Variants in RAMP1 observed in about 807,000 individuals in gnomAD.
The protein encoded by RAMP1 is receptor activity modifying protein 1.
In RAMP1, 7 loss-of-function variants were observed where a neutral mutation model predicts 8.2. The observed-to-expected ratio is 0.85, with a 90% CI of 0.49 to 1.60. RAMP1 has a LOEUF of 1.60. Ranked by LOEUF, RAMP1 falls within the 40% of genes most tolerant of loss-of-function variation. The pLI, the probability that RAMP1 is intolerant of heterozygous loss-of-function variation, is 0.00. For synonymous variants in RAMP1, 92 were observed against 84.7 expected (o/e 1.09, Z -0.47); for missense variants, 192 against 202.4 (o/e 0.95, Z 0.31).
intron 2 of RAMP1, among the ~76,000 whole-genome samples, chr2:237,903,439 A>T (rs1266923444): frequency 6.6e-6 from 1 of 152,198 alleles, no homozygotes; most frequent in African/African-American, 2.4e-5. Flanking sequence ...TGTGTTTCAG[A>T]AAAATTGTAC....
At chr2:237,891,768 T>C (rs1290637262) in intron 2 of RAMP1, among the ~76,000 whole-genome samples, 1 of 152,222 alleles carries the variant, frequency 6.6e-6, no homozygotes, top group Non-Finnish European at 1.5e-5. Flanking sequence ...TCAGCTCCTT[T>C]ATGTGTTGCT....
intron 2 of RAMP1, among the ~76,000 whole-genome samples, chr2:237,908,283 A>G (rs367946134): frequency 2.0e-4 from 31 of 152,310 alleles, no homozygotes; most frequent in African/African-American, 7.0e-4. Context: ...GTACTGGTCC[A>G]GCCTCAGTTT....
At chr2:237,875,479 A>AG in intron 1 of RAMP1, among the ~76,000 whole-genome samples, 1 of 151,980 alleles carries the variant, frequency 6.6e-6, no homozygotes, top group East Asian at 1.9e-4. Flanking sequence ...CACTCATGCC[A>AG]GGGGTCGAGG....
chr2:237,866,901 G>A (rs1439313979), intron 1 of RAMP1, among the ~76,000 whole-genome samples: 1 of 151,888 alleles, frequency 6.6e-6, no homozygotes, highest in African/African-American at 2.4e-5. Context: ...GCAAATTTTT[G>A]TATTTTTGGT....
At chr2:237,871,083 T>G (rs1466311816) in intron 1 of RAMP1, among the ~76,000 whole-genome samples, 1 of 152,200 alleles carries the variant, frequency 6.6e-6, no homozygotes. Flanking sequence ...AACCCGGCCC[T>G]GGCCCACGGC....
intron 2 of RAMP1, among the ~76,000 whole-genome samples, chr2:237,903,177 GT>G (rs1278348750): frequency 6.6e-6 from 1 of 152,098 alleles, no homozygotes; most frequent in Non-Finnish European, 1.5e-5. Context: ...GAACATAAAT[GT>G]TTTTCCACAT....
intron 2 of RAMP1, among the ~76,000 whole-genome samples, chr2:237,879,568 C>T (rs1253660010): frequency 7.5e-6 from 1 of 134,064 alleles, no homozygotes; most frequent in Non-Finnish European, 1.6e-5. Context: ...TATACATGTG[C>T]CATATTGGTG....
At chr2:237,903,289 A>G (rs1036119360) in intron 2 of RAMP1, among the ~76,000 whole-genome samples, 5 of 152,216 alleles carry the variant, frequency 3.3e-5, no homozygotes, top group African/African-American at 9.6e-5. Flanking sequence ...GTTTTTCATA[A>G]TTATAAATCT....
At chr2:237,874,437 CTGGGGACTTGGGAGCCA>C (rs2062279413) in intron 1 of RAMP1, among the ~76,000 whole-genome samples, 1 of 152,240 alleles carries the variant, frequency 6.6e-6, no homozygotes, top group African/African-American at 2.4e-5. Flanking sequence ...CCAGACCCTC[CTGGGGACTTGGGAGCCA>C]CCAGGGTCCC....
chr2:237,878,709 G>A lies in RAMP1; in HGVS notation c.191+1347G>A, dbSNP rs937284289. ...GGGAACTCCCTCAGGCCCAGAGTCCGTGCTCAGTGCACTGTTGTTGAGGCG... is the reference window on the plus strand; with the variant it reads ...GGGAACTCCCTCAGGCCCAGAGTCCATGCTCAGTGCACTGTTGTTGAGGCG... On this transcript the variant is annotated intron_variant, in intron 2 of 2. Coordinates refer to ENST00000254661, the MANE Select transcript of RAMP1 (RefSeq NM_005855.4). The surrounding 1 kb of genome is among the most constrained non-coding windows in gnomAD (Gnocchi z 5.7). 2.5e-4 allele frequency among the ~76,000 whole-genome samples: 38 copies of A among 152,376 alleles called. No homozygotes were observed. Among genetic ancestry groups the A allele is most frequent in the Middle Eastern group, 3.4e-3 (1 of 294 alleles).
intron 2 of RAMP1, among the ~76,000 whole-genome samples, chr2:237,909,275 T>C (rs912704534): frequency 2.6e-5 from 4 of 152,100 alleles, no homozygotes; most frequent in African/African-American, 9.7e-5. Context: ...CCTCCAGCCT[T>C]CCCAAACCTC....
chr2:237,906,942 C>T lies in RAMP1; in HGVS notation c.192-4586C>T, dbSNP rs139816472. ...TTCACCATGTTAGCCAGGCTGGTCT[C>T]GAACTCCTGACCTCAAGTGATCCGC... On this transcript the variant is annotated intron_variant, in intron 2 of 2. Coordinates refer to ENST00000254661, the MANE Select transcript of RAMP1 (RefSeq NM_005855.4). Among the ~76,000 whole-genome samples, 495 of 152,180 alleles carry T rather than the reference C, an allele frequency of 3.3e-3. 4 individuals are homozygous for T. The highest frequency in any genetic ancestry group is 0.011 in the African/African-American group (470 of 41,512).
chr2:237,880,722 C>T (rs1418934655), intron 2 of RAMP1, among the ~76,000 whole-genome samples: 2 of 152,188 alleles, frequency 1.3e-5, no homozygotes, highest in Non-Finnish European at 2.9e-5. Flanking sequence ...GCAGAATTTC[C>T]GAACGTGCTG....
In RAMP1 at chr2:237,912,087, T is replaced by C; in HGVS notation, c.*304T>C. 4.8e-6 allele frequency: 2 copies of C among 413,026 alleles called. No homozygotes were observed. Among genetic ancestry groups the C allele is most frequent in the Non-Finnish European group, 8.8e-6 (2 of 228,088 alleles). The allele number at this position is 413,026 out of a possible 1,614,324, so 25.6% of individuals were successfully genotyped here. ...ACATTTGTGGATGAGTGGTTTGTGA[T>C]TAAAAGGGATGTTCTTGAACTTGGA... On this transcript the variant is annotated 3_prime_UTR_variant, in exon 3 of 3. Coordinates refer to ENST00000254661, the MANE Select transcript of RAMP1 (RefSeq NM_005855.4).
chr2:237,866,918 G>A (rs1285365817), intron 1 of RAMP1, among the ~76,000 whole-genome samples: 5 of 151,914 alleles, frequency 3.3e-5, no homozygotes, highest in African/African-American at 7.3e-5. Context: ...TGGTAGAGAC[G>A]GGGTTTCACT....
Position 237,878,200 on chromosome 2 carries a change from A to C in RAMP1, c.191+838A>C. On this transcript the variant is annotated intron_variant, in intron 2 of 2. Transcript: ENST00000254661. The surrounding 1 kb of genome is among the most constrained non-coding windows in gnomAD (Gnocchi z 5.7). ...CGCACAGAGATCTGTCTGTGGGTTC[A>C]CAGCGCAGCGCAAGTCCTGGTGCCC... The C allele has an allele frequency of 1.0e-6, 1 of 981,128 alleles. No homozygotes were observed. Among genetic ancestry groups the C allele is most frequent in the Non-Finnish European group, 1.2e-6 (1 of 826,048 alleles). The allele number at this position is 981,128 out of a possible 1,614,324, so 60.8% of individuals were successfully genotyped here. A position where few individuals can be genotyped will look rare whatever the true frequency, so the allele number is the denominator to read the frequency against.
rs1333744450 is a variant in RAMP1, at chr2:237,878,121, G to A, written c.191+759G>A. On this transcript the variant is annotated intron_variant, in intron 2 of 2. Transcript: ENST00000254661. The surrounding 1 kb of genome is among the most constrained non-coding windows in gnomAD (Gnocchi z 5.7). ...GGGGCTGCAGTGGGTGAGTAGCGGGGTCAGCAGTGCATGCGTGGAGCTGAA... is the reference window on the plus strand; with the variant it reads ...GGGGCTGCAGTGGGTGAGTAGCGGGATCAGCAGTGCATGCGTGGAGCTGAA... 77 of 985,320 alleles carry A rather than the reference G, an allele frequency of 7.8e-5. No homozygotes were observed. The highest frequency in any genetic ancestry group is 8.8e-5 in the Non-Finnish European group (73 of 829,914). 61.0% of individuals were successfully genotyped at this position (985,320 alleles called of 1,614,324 possible). A position where few individuals can be genotyped will look rare whatever the true frequency, so the allele number is the denominator to read the frequency against.
intron 1 of RAMP1, among the ~76,000 whole-genome samples, chr2:237,873,242 A>G (rs969950466): frequency 5.3e-5 from 8 of 152,222 alleles, no homozygotes; most frequent in Non-Finnish European, 1.2e-4. Flanking sequence ...TTCTCTCTCT[A>G]CAAACCTAAA....
chr2:237,860,613 A>G (rs1340688810), intron 1 of RAMP1, among the ~76,000 whole-genome samples: 1 of 152,242 alleles, frequency 6.6e-6, no homozygotes, highest in Non-Finnish European at 1.5e-5. Flanking sequence ...CTTTTAACGG[A>G]AACTGTGAAT....
Sources: gnomAD v4.1 joint callset for allele counts (sites outside exome capture counted in the v4.1 genomes callset) on GRCh38, gnomAD v4.1.1 for gene constraint, Gnocchi (gnomAD v3.1) non-coding constraint, MANE v1.5 for transcripts, NCBI Gene and HGNC (gene_info 2026-07-23, HGNC 2026-07-21) for gene names.